Variants in ADK observed in about 807,000 individuals in gnomAD.
The protein encoded by ADK is adenosine kinase.
A neutral mutation model predicts 44.7 loss-of-function variants in ADK; 24 were observed. The ratio of observed to expected loss-of-function variants is 0.54; its 90% CI spans 0.39 to 0.76. The LOEUF (loss-of-function observed/expected upper bound fraction) is 0.76, where lower values mean the gene tolerates loss of function less well. ADK is among the 30% of genes least tolerant of loss of function. The pLI is 0.00. For missense variants in ADK, 321 were observed against 425.1 expected, an observed-to-expected ratio of 0.76 and a Z score of 2.15; for synonymous variants, 128 against 142.6, an observed-to-expected ratio of 0.90 and a Z score of 0.73.
At chr10:74,437,483 A>T (rs933548812) in intron 6 of ADK, among the ~76,000 whole-genome samples, 6 of 152,022 alleles carry the variant, frequency 3.9e-5, no homozygotes, top group Non-Finnish European at 7.4e-5. Context: ...GCAGGGTTTG[A>T]CTCATGTGCC....
intron 10 of ADK, among the ~76,000 whole-genome samples, chr10:74,671,038 TAAAA>T (rs10670267): frequency 6.1e-5 from 6 of 99,114 alleles, no homozygotes; most frequent in South Asian, 3.9e-4. Context: ...CAGGTTAATT[TAAAA>T]AAAAAAAAAA....
chr10:74,640,739 T>C (rs1310276348), intron 9 of ADK, among the ~76,000 whole-genome samples: 1 of 152,244 alleles, frequency 6.6e-6, no homozygotes, highest in African/African-American at 2.4e-5. Flanking sequence ...GGTGTGGCTG[T>C]ATTCCAATAA....
At chr10:74,439,921 A>G (rs1418296880) in intron 6 of ADK, among the ~76,000 whole-genome samples, 4 of 151,984 alleles carry the variant, frequency 2.6e-5, no homozygotes, top group Admixed American at 2.0e-4. Flanking sequence ...CCCTGTTATT[A>G]GGTTATATAA....
chr10:74,599,716 A>G (rs1310575867), intron 8 of ADK, among the ~76,000 whole-genome samples: 1 of 152,204 alleles, frequency 6.6e-6, no homozygotes, highest in Non-Finnish European at 1.5e-5. Context: ...TTTATGGCCT[A>G]TGTGGTGTGA....
chr10:74,217,029 G>A (rs1047897650), intron 2 of ADK, among the ~76,000 whole-genome samples: 8 of 152,214 alleles, frequency 5.3e-5, no homozygotes, highest in Non-Finnish European at 1.0e-4. Context: ...AGGTCAGTGC[G>A]TGCAGCGCAC....
At chr10:74,646,818 A>G (rs1214630430) in intron 9 of ADK, among the ~76,000 whole-genome samples, 1 of 152,224 alleles carries the variant, frequency 6.6e-6, no homozygotes, top group African/African-American at 2.4e-5. Flanking sequence ...AGAGAGCAGG[A>G]AAAGGAAAAT....
chr10:74,432,894 G>A (rs936444771), intron 6 of ADK, among the ~76,000 whole-genome samples: 1 of 152,132 alleles, frequency 6.6e-6, no homozygotes, highest in Non-Finnish European at 1.5e-5. Flanking sequence ...ATAAACTGAT[G>A]TCTAAATATT....
chr10:74,274,182 C>T (rs890567860), intron 3 of ADK, among the ~76,000 whole-genome samples: 1 of 152,130 alleles, frequency 6.6e-6, no homozygotes, highest in Non-Finnish European at 1.5e-5. Flanking sequence ...AGAAGTCCTA[C>T]CAGTAACATA....
intron 9 of ADK, among the ~76,000 whole-genome samples, chr10:74,667,199 A>G (rs1040631689): frequency 1.3e-5 from 2 of 152,172 alleles, no homozygotes; most frequent in African/African-American, 2.4e-5. Context: ...TGAAAATGTA[A>G]TAAAACATAA....
rs1849716935 is a variant in ADK, at chr10:74,543,347, T to C, written c.726+17921T>C. ...TGGTATTACAGACATCCAGCCACAA[T>C]AATCCTCATTTTTTTAGTTGGATTT... On this transcript the variant is annotated intron_variant, in intron 7 of 10. Coordinates refer to ENST00000539909, the MANE Select transcript of ADK (RefSeq NM_006721.4). Among the ~76,000 whole-genome samples, 3 of 152,314 alleles carry C rather than the reference T, an allele frequency of 2.0e-5. No homozygotes were observed. The South Asian group carries it at 6.2e-4, about 32-fold the overall frequency.
intron 6 of ADK, among the ~76,000 whole-genome samples, chr10:74,483,711 C>T (rs1430921849): frequency 6.6e-6 from 1 of 152,170 alleles, no homozygotes; most frequent in Non-Finnish European, 1.5e-5. Context: ...TTTCTTCTCC[C>T]AGATACCATA....
intron 7 of ADK, among the ~76,000 whole-genome samples, chr10:74,560,086 T>G (rs1850401029): frequency 6.6e-6 from 1 of 152,058 alleles, no homozygotes; most frequent in Non-Finnish European, 1.5e-5. Flanking sequence ...CCAGATAATT[T>G]TTTTAAAAAA....
intron 6 of ADK, among the ~76,000 whole-genome samples, chr10:74,487,945 A>G (rs566675581): frequency 6.6e-6 from 1 of 152,196 alleles, no homozygotes; most frequent in East Asian, 1.9e-4. Context: ...AAGGAGACAT[A>G]ATCCACCCTC....
chr10:74,303,955 G>A (rs944889184), intron 3 of ADK, among the ~76,000 whole-genome samples: 1 of 136,070 alleles, frequency 7.3e-6, no homozygotes, highest in Non-Finnish European at 1.6e-5. Context: ...GGCAACAAGA[G>A]TGAAACTCTT....
At chr10:74,339,169 C>T (rs1841506993) in intron 4 of ADK, among the ~76,000 whole-genome samples, 2 of 152,080 alleles carry the variant, frequency 1.3e-5, no homozygotes, top group Non-Finnish European at 2.9e-5. Context: ...CCATGTTGCC[C>T]AGGCTGGTCT....
chr10:74,487,495 G>A (rs903664598), intron 6 of ADK, among the ~76,000 whole-genome samples: 3 of 150,476 alleles, frequency 2.0e-5, no homozygotes, highest in Non-Finnish European at 4.4e-5. Context: ...ATTGAGATGA[G>A]GATGGTAGAA....
chr10:74,691,491 G>GT (rs543746341), intron 10 of ADK, among the ~76,000 whole-genome samples: 63 of 152,300 alleles, frequency 4.1e-4, no homozygotes, highest in African/African-American at 1.5e-3. Context: ...GGTAACTTAA[G>GT]TGAGTGAGCA....
At chr10:74,309,953 T>A (rs1163533740) in intron 3 of ADK, among the ~76,000 whole-genome samples, 2 of 152,160 alleles carry the variant, frequency 1.3e-5, no homozygotes, top group Non-Finnish European at 2.9e-5. Flanking sequence ...TTTTTGTACA[T>A]TTGTTTAATA....
intron 9 of ADK, among the ~76,000 whole-genome samples, chr10:74,629,839 C>T (rs1853347312): frequency 6.6e-6 from 1 of 152,050 alleles, no homozygotes; most frequent in African/African-American, 2.4e-5. Context: ...CCTTAGATAT[C>T]AGCTGGTACA....
Sources: allele counts gnomAD v4.1 joint callset (sites outside exome capture counted in the v4.1 genomes callset), GRCh38; gene constraint gnomAD v4.1.1; transcripts MANE v1.5; gene names NCBI Gene and HGNC (gene_info 2026-07-23, HGNC 2026-07-21).